The following NFE2L1 variants were observed in gnomAD, a reference collection of about 807,000 sequenced individuals.
NFE2L1 encodes endoplasmic reticulum membrane sensor NFE2L1.
Under a neutral mutation model 61.6 loss-of-function variants are expected in NFE2L1, and 18 were observed. That is an observed-to-expected ratio of 0.29 (90% CI 0.20 to 0.43). The LOEUF (loss-of-function observed/expected upper bound fraction) is 0.43, where lower values mean the gene tolerates loss of function less well. NFE2L1 is among the 20% of genes least tolerant of loss of function. The probability of loss-of-function intolerance (pLI) is 1.00; values close to 1 mark genes in which losing one functional copy is unlikely to be tolerated. For missense variants in NFE2L1, 827 were observed against 973.5 expected, an observed-to-expected ratio of 0.85 and a Z score of 2.00; for synonymous variants, 419 against 402.7, an observed-to-expected ratio of 1.04 and a Z score of -0.48.
chr17:48,056,993 G>A (rs1378276559), intron 3 of NFE2L1, 39 bp from the exon 4 acceptor site: 2 of 1,606,822 alleles, frequency 1.2e-6, no homozygotes, highest in East Asian at 4.5e-5. Context: ...AGGCAGCCAA[G>A]GCCCAGGTCA....
In NFE2L1 at chr17:48,051,128, C is replaced by G. The variant is rs1339592122; in HGVS notation, c.10C>G (p.Leu4Val). Residue 4 changes from leucine (L) to valine (V), a missense_variant, in exon 2 of 6, where the codon CTG (leucine) becomes GTG (valine). This residue lies in a region of NFE2L1 where 667 missense variants were observed against 748.4 expected (regional missense o/e 0.89). Transcript: ENST00000362042. Reference sequence around the variant, plus strand: ...TTCTGGTCCTTCAGCAATGCTTTCTCTGAAGAAATACTTAACGGAAGGACT... The same window carrying G: ...TTCTGGTCCTTCAGCAATGCTTTCTGTGAAGAAATACTTAACGGAAGGACT... MLS[L>V]KKYLTEGLLQ... is the part of the protein sequence containing the mutation. 1 of 1,614,230 alleles carries G rather than the reference C, an allele frequency of 6.2e-7. No homozygotes were observed. Among genetic ancestry groups the G allele is most frequent in the South Asian group, 1.1e-5 (1 of 91,084 alleles).
intron 1 of NFE2L1, among the ~76,000 whole-genome samples, chr17:48,049,998 G>A (rs563903269): frequency 4.9e-4 from 74 of 152,320 alleles, no homozygotes; most frequent in African/African-American, 1.6e-3. Flanking sequence ...AAAGGTGTAA[G>A]ATATTTTGGA....
chr17:48,053,292 G>T (rs998671521), intron 2 of NFE2L1, among the ~76,000 whole-genome samples: 2 of 152,180 alleles, frequency 1.3e-5, no homozygotes, highest in Non-Finnish European at 2.9e-5. Flanking sequence ...CCTCGTGAAG[G>T]TTGTGCTTTT....
At position 48,061,331 on chromosome 17, in the gene NFE2L1, G is replaced by A. The variant is rs15719; in HGVS notation, c.*1690G>A. 6.6e-6 allele frequency: 1 copy of A among 152,182 alleles called. No homozygotes were observed. Among genetic ancestry groups the A allele is most frequent in the Non-Finnish European group, 1.5e-5 (1 of 68,030 alleles). The allele number at this position is 152,182 out of a possible 1,614,324, so 9.4% of individuals were successfully genotyped here. A position where few individuals can be genotyped will look rare whatever the true frequency, so the allele number is the denominator to read the frequency against. The stretch of plus-strand genomic sequence containing the variant: ...TAGGGGGTGCCTAACTGAGCAGTAG[G>A]GATAGAAGGTGTGAACCTGGGAGTG... On this transcript the variant is annotated 3_prime_UTR_variant, in exon 6 of 6. Transcript: ENST00000362042.
At chr17:48,052,086 GA>G (rs748263028) in intron 2 of NFE2L1, among the ~76,000 whole-genome samples, 126 of 152,164 alleles carry the variant, frequency 8.3e-4, no homozygotes, top group Non-Finnish European at 1.3e-3. Context: ...GTATTGTCCT[GA>G]TAATTCAGAC....
chr17:48,057,019 C>T lies in NFE2L1; in HGVS notation c.724-13C>T. ...GCCCAGGTCAATCAGACTTACAGTT[C>T]CTGTTGCCACAGGTGCCTAGTGGGG... On this transcript the variant is annotated splice_polypyrimidine_tract_variant and intron_variant, in intron 3 of 5. Transcript: ENST00000362042. The T allele has an allele frequency of 6.2e-7, 1 of 1,613,828 alleles. No homozygotes were observed. The highest frequency in any genetic ancestry group is 8.5e-7 in the Non-Finnish European group (1 of 1,179,834).
In NFE2L1 at chr17:48,056,303, G is replaced by C. The variant is rs558644630; in HGVS notation, c.511-83G>C. The C allele has an allele frequency of 1.9e-3, 2,978 of 1,527,698 alleles. 8 individuals are homozygous for C. Among genetic ancestry groups the C allele is most frequent in the Non-Finnish European group, 2.4e-3 (2,631 of 1,109,486 alleles). The allele number at this position is 1,527,698 out of a possible 1,614,324, so 94.6% of individuals were successfully genotyped here. The stretch of plus-strand genomic sequence containing the variant: ...GGCCCCACCCAGGACTAACTGGGGT[G>C]ACACTAGGAGGGAACTCTGAGGGGC... On this transcript the variant is annotated intron_variant, in intron 2 of 5. Coordinates refer to ENST00000362042, the MANE Select transcript of NFE2L1 (RefSeq NM_003204.3).
chr17:48,051,981 GAC>G (rs1324830219), intron 2 of NFE2L1, among the ~76,000 whole-genome samples: 1 of 152,112 alleles, frequency 6.6e-6, no homozygotes, highest in East Asian at 1.9e-4. Flanking sequence ...CTGTTGCTAA[GAC>G]ACAAATACTT....
intron 2 of NFE2L1, chr17:48,054,814 G>A: frequency 7.5e-7 from 1 of 1,331,614 alleles, no homozygotes; most frequent in South Asian, 1.8e-5. Flanking sequence ...GGGTTGTGAG[G>A]TGGGAGGGGG....
intron 2 of NFE2L1, chr17:48,055,053 G>A: frequency 2.0e-6 from 3 of 1,511,960 alleles, no homozygotes; most frequent in Non-Finnish European, 2.6e-6. Flanking sequence ...CACAGTGGTG[G>A]GGGCCATGCC....
At position 48,054,517 on chromosome 17, in the gene NFE2L1, G is replaced by A. The variant is rs912481366; in HGVS notation, c.511-1869G>A. The A allele has an allele frequency of 1.9e-5, 20 of 1,078,990 alleles. No homozygotes were observed. The African/African-American group carries it at 2.8e-4, about 15-fold the overall frequency. 66.8% of individuals were successfully genotyped at this position (1,078,990 alleles called of 1,614,324 possible). ...GGCGCAGCCTAGGTAACGACAGTGGGAGGGGATTGGCTCTTTGCGCAGCCC... is the reference window on the plus strand; with the variant it reads ...GGCGCAGCCTAGGTAACGACAGTGGAAGGGGATTGGCTCTTTGCGCAGCCC... On this transcript the variant is annotated intron_variant, in intron 2 of 5. Coordinates refer to ENST00000362042, the MANE Select transcript of NFE2L1 (RefSeq NM_003204.3).
intron 2 of NFE2L1, chr17:48,054,986 G>T (rs1598285981): frequency 1.3e-6 from 2 of 1,494,942 alleles, no homozygotes; most frequent in Non-Finnish European, 1.8e-6. Flanking sequence ...CGGCTTCCCG[G>T]CACCGGCTGC....
intron 2 of NFE2L1, among the ~76,000 whole-genome samples, chr17:48,053,267 CCT>C (rs1001202034): frequency 1.3e-5 from 2 of 152,118 alleles, no homozygotes; most frequent in African/African-American, 2.4e-5. Flanking sequence ...ACCCTGCTTT[CCT>C]CTGTTTCTTG....
At chr17:48,051,665 C>G in intron 2 of NFE2L1, 37 bp downstream of exon 2, 1 of 1,552,238 alleles carries the variant, frequency 6.4e-7, no homozygotes, top group Non-Finnish European at 8.8e-7. Flanking sequence ...GGGCCTGGGG[C>G]TTGGGGGTGG....
In NFE2L1 at chr17:48,058,299, T is replaced by C. The variant is rs756578493; in HGVS notation, c.977T>C (p.Met326Thr). 16 of 1,573,578 alleles carry C rather than the reference T, an allele frequency of 1.0e-5. No homozygotes were observed. Among genetic ancestry groups the C allele is most frequent in the East Asian group, 2.3e-5 (1 of 44,372 alleles). ...GGTGCTCTTCTCCCCTCCCAGGCCATGGAAGTGAACACATCAGCAAGTGAA... is the reference window on the plus strand; with the variant it reads ...GGTGCTCTTCTCCCCTCCCAGGCCACGGAAGTGAACACATCAGCAAGTGAA... The part of the protein sequence containing the change: ...DLMSIMEMQA[M>T]EVNTSASEIL... Residue 326 changes from methionine to threonine, a missense_variant, in exon 6 of 6, where the codon ATG (methionine) becomes ACG (threonine). This residue lies in a region of NFE2L1 where 667 missense variants were observed against 748.4 expected (regional missense o/e 0.89). Coordinates refer to ENST00000362042, the MANE Select transcript of NFE2L1 (RefSeq NM_003204.3).
intron 3 of NFE2L1, 125 bp from the exon 4 acceptor site, chr17:48,056,907 C>G: frequency 1.0e-6 from 1 of 956,640 alleles, no homozygotes; most frequent in South Asian, 1.6e-5. Flanking sequence ...GTTTGGGACT[C>G]GGGGCCAGCC....
At position 48,059,604 on chromosome 17, in the gene NFE2L1, G is replaced by A. The variant is rs1481101005; in HGVS notation, c.2282G>A (p.Arg761Gln). The A allele has an allele frequency of 1.5e-5, 24 of 1,578,334 alleles. No individual in the cohort carries two copies. Among genetic ancestry groups the A allele is most frequent in the Admixed American group, 1.1e-4 (6 of 55,240 alleles). ...CGCACGATGGCCGACCAGCAGGCCC[G>A]GCGGCAGGAGAGGAAGCCAAAGGAC... is the stretch of plus-strand genomic sequence containing the variant. ...IPRTMADQQA[R>Q]RQERKPKDRR... The change falls in exon 6 of 6, where the codon CGG becomes CAG. Residue 761 changes from arginine (R) to glutamine (Q), a missense_variant. By Grantham distance (43) the Arg-to-Gln change is conservative (BLOSUM62 1). Transcript: ENST00000362042. This position sits in a 1 kb window ranked among gnomAD's most constrained non-coding sequence, Gnocchi z 6.1.
chr17:48,054,538 A>T, intron 2 of NFE2L1: 1 of 1,140,802 alleles, frequency 8.8e-7, no homozygotes, highest in Non-Finnish European at 1.1e-6. Context: ...CTCTTTGCGC[A>T]GCCCAGCTGC....
rs1172918512 is a variant in NFE2L1, at chr17:48,061,026, T to C, written c.*1385T>C. 6.6e-6 allele frequency: 1 copy of C among 152,644 alleles called. No individual in the cohort carries two copies. The highest frequency in any genetic ancestry group is 1.5e-5 in the Non-Finnish European group (1 of 68,046). 9.5% of individuals were successfully genotyped at this position (152,644 alleles called of 1,614,324 possible). A position where few individuals can be genotyped will look rare whatever the true frequency, so the allele number is the denominator to read the frequency against. ...CTTTTTTGGGTTTCTTTCTAGAAGATTGAGAAGTGCATATGACAGGCTGAG... is the reference window on the plus strand; with the variant it reads ...CTTTTTTGGGTTTCTTTCTAGAAGACTGAGAAGTGCATATGACAGGCTGAG... On this transcript the variant is annotated 3_prime_UTR_variant, in exon 6 of 6. Coordinates refer to ENST00000362042, the MANE Select transcript of NFE2L1 (RefSeq NM_003204.3).
Sources: allele counts gnomAD v4.1 joint callset (sites outside exome capture counted in the v4.1 genomes callset), GRCh38; gene constraint gnomAD v4.1.1; regional missense constraint gnomAD v4.1.1; non-coding constraint Gnocchi (gnomAD v3.1); transcripts MANE v1.5; gene names NCBI Gene and HGNC (gene_info 2026-07-23, HGNC 2026-07-21).